Variants in PCNX2 observed in about 807,000 individuals in gnomAD.
PCNX2 encodes the protein pecanex 2.
In PCNX2, 168 loss-of-function variants were observed where a neutral mutation model predicts 223.8. That is an observed-to-expected ratio of 0.75 (90% confidence interval 0.66 to 0.85). The LOEUF (loss-of-function observed/expected upper bound fraction) is 0.85, where lower values mean the gene tolerates loss of function less well. Among genes scored for constraint, PCNX2 ranks in the 40% least tolerant of loss-of-function variants. The pLI is 0.00. For missense variants in PCNX2, 2,507 were observed against 2,675.5 expected (o/e 0.94, Z 1.39); for synonymous variants, 1,006 against 1,052.6 (o/e 0.96, Z 0.86).
At chr1:233,306,082 G>A in the PCNX2 span, among the ~76,000 whole-genome samples, 1 of 152,166 alleles carries the variant, frequency 6.6e-6, no homozygotes, top group East Asian at 1.9e-4. Flanking sequence ...GAGTTAGAGT[G>A]TTTTGTGGGC....
At chr1:233,132,233 G>T (rs1178257842) in intron 21 of PCNX2, among the ~76,000 whole-genome samples, 1 of 152,068 alleles carries the variant, frequency 6.6e-6, no homozygotes, top group African/African-American at 2.4e-5. Context: ...AAAGTACTGG[G>T]ATTACAGGCG....
intron 25 of PCNX2, among the ~76,000 whole-genome samples, chr1:233,053,435 A>G (rs1672077634): frequency 6.6e-6 from 1 of 151,968 alleles, no homozygotes; most frequent in East Asian, 1.9e-4. Context: ...CCAGAACCCT[A>G]TTTACTTCTT....
chr1:233,056,396 C>G (rs1672191877), intron 24 of PCNX2, among the ~76,000 whole-genome samples: 2 of 152,148 alleles, frequency 1.3e-5, no homozygotes, highest in Non-Finnish European at 2.9e-5. Flanking sequence ...AATGAGACAG[C>G]AACTATGATT....
intron 1 of PCNX2, chr1:233,284,908 G>A: frequency 1.1e-6 from 1 of 940,904 alleles, no homozygotes; most frequent in Non-Finnish European, 1.3e-6. Context: ...TGATCATCCA[G>A]GGTCATGGGG....
intron 1 of PCNX2, chr1:233,289,424 G>C: frequency 1.4e-6 from 2 of 1,419,252 alleles, no homozygotes; most frequent in South Asian, 2.3e-5. Flanking sequence ...TAGGCTTCAC[G>C]ATCTTGGCGC....
intron 21 of PCNX2, among the ~76,000 whole-genome samples, chr1:233,119,629 GA>G (rs1675651259): frequency 6.7e-6 from 1 of 149,248 alleles, no homozygotes; most frequent in East Asian, 2.0e-4. Context: ...ACAAAAAAAC[GA>G]AAAAATGGCT....
At chr1:233,211,808 C>T (rs1430952075) in intron 12 of PCNX2, 1 of 985,228 alleles carries the variant, frequency 1.0e-6, no homozygotes, top group Non-Finnish European at 1.2e-6. Flanking sequence ...AGAATGTGAA[C>T]ATTACTCATG....
intron 28 of PCNX2, among the ~76,000 whole-genome samples, chr1:233,013,894 G>T (rs927206326): frequency 6.6e-6 from 1 of 152,144 alleles, no homozygotes; most frequent in African/African-American, 2.4e-5. Context: ...CGTGCACGTG[G>T]GGTTGAGAAC....
chr1:233,147,310 A>ATATACTG (rs1232157218), intron 19 of PCNX2, among the ~76,000 whole-genome samples: 2 of 152,248 alleles, frequency 1.3e-5, no homozygotes, highest in African/African-American at 2.4e-5. Flanking sequence ...TATATGTATT[A>ATATACTG]TATACTGTAT....
At chr1:233,058,182 TGA>T (rs1420347598) in intron 23 of PCNX2, 1 of 455,786 alleles carries the variant, frequency 2.2e-6, no homozygotes, top group African/African-American at 2.2e-5. Context: ...CCCTGGCTTC[TGA>T]GAGTTAGCCG....
intron 8 of PCNX2, among the ~76,000 whole-genome samples, chr1:233,248,227 C>T (rs1385548959): frequency 1.3e-5 from 2 of 151,802 alleles, no homozygotes; most frequent in African/African-American, 4.8e-5. Context: ...TTTTTGCTGC[C>T]CGGCTTTTAT....
chr1:233,264,608 G>A (rs1203622303), intron 1 of PCNX2, among the ~76,000 whole-genome samples: 1 of 152,142 alleles, frequency 6.6e-6, no homozygotes, highest in Non-Finnish European at 1.5e-5. Flanking sequence ...TATGTCATGG[G>A]GGGAAAAGTC....
chr1:233,181,423 C>A (rs1489196769), intron 15 of PCNX2, among the ~76,000 whole-genome samples: 3 of 152,088 alleles, frequency 2.0e-5, no homozygotes, highest in African/African-American at 7.2e-5. Context: ...GTTTCGAACT[C>A]CTGACCTCAG....
At chr1:233,185,873 G>A (rs973552380) in intron 15 of PCNX2, among the ~76,000 whole-genome samples, 19 of 152,160 alleles carry the variant, frequency 1.2e-4, no homozygotes, top group Non-Finnish European at 7.4e-5. Flanking sequence ...ATTGATGAGT[G>A]CTGGTTTCAT....
At chr1:233,209,958 C>T (rs1681728490) in intron 12 of PCNX2, among the ~76,000 whole-genome samples, 1 of 152,170 alleles carries the variant, frequency 6.6e-6, no homozygotes, top group African/African-American at 2.4e-5. Context: ...CTCAAACTGG[C>T]ATGGTTTAGG....
At chr1:233,222,236 C>T (rs1572102936) in intron 10 of PCNX2, among the ~76,000 whole-genome samples, 1 of 152,100 alleles carries the variant, frequency 6.6e-6, no homozygotes, top group Admixed American at 6.6e-5. Flanking sequence ...GAAAAGTCCA[C>T]AGGGATAGTG....
At chr1:233,286,684 G>A (rs1296732808) in intron 1 of PCNX2, among the ~76,000 whole-genome samples, 1 of 152,052 alleles carries the variant, frequency 6.6e-6, no homozygotes, top group Non-Finnish European at 1.5e-5. Flanking sequence ...GGCTGGCAAG[G>A]AGAACAGAGT....
chr1:233,069,408 A>G (rs1205658735), intron 23 of PCNX2, among the ~76,000 whole-genome samples: 2 of 152,192 alleles, frequency 1.3e-5, no homozygotes, highest in Non-Finnish European at 2.9e-5. Context: ...TAGACTACAC[A>G]TTCTTTTATA....
intron 8 of PCNX2, among the ~76,000 whole-genome samples, chr1:233,250,134 A>C (rs1391161027): frequency 6.6e-6 from 1 of 152,254 alleles, no homozygotes; most frequent in African/African-American, 2.4e-5. Context: ...CATATGGATT[A>C]TCCACAAAGA....
Sources: allele counts gnomAD v4.1 joint callset (sites outside exome capture counted in the v4.1 genomes callset), GRCh38; gene constraint gnomAD v4.1.1; transcripts MANE v1.5; gene names NCBI Gene and HGNC (gene_info 2026-07-23, HGNC 2026-07-21).